Variants in NUBPL observed in about 807,000 individuals in gnomAD.
The protein encoded by NUBPL is NUBP iron-sulfur cluster assembly factor, mitochondrial.
NUBPL carries 31 observed loss-of-function variants against 45.7 expected under a neutral mutation model. The ratio of observed to expected loss-of-function variants is 0.68; its 90% CI spans 0.51 to 0.92. The LOEUF (loss-of-function observed/expected upper bound fraction) is 0.92. Among genes scored for constraint, NUBPL ranks in the 40% least tolerant of loss-of-function variants. NUBPL has a pLI of 0.00. For synonymous variants in NUBPL, 144 were observed against 140.9 expected (o/e 1.02, Z -0.15); for missense variants, 401 against 398.7 (o/e 1.01, Z -0.05).
intron 8 of NUBPL, among the ~76,000 whole-genome samples, chr14:31,838,279 CAAAAAA>C (rs748313330): frequency 2.2e-4 from 13 of 60,268 alleles, no homozygotes; most frequent in African/African-American, 6.1e-4. Context: ...TAATATCCAG[CAAAAAA>C]AAAAAAAAAA....
chr14:31,817,353 A>G (rs949773479), intron 7 of NUBPL, among the ~76,000 whole-genome samples: 1 of 152,118 alleles, frequency 6.6e-6, no homozygotes, highest in African/African-American at 2.4e-5. Flanking sequence ...CCTTGAGAAG[A>G]GCAACCCCAA....
intron 4 of NUBPL, among the ~76,000 whole-genome samples, chr14:31,611,647 A>G (rs2034761354): frequency 6.6e-6 from 1 of 152,224 alleles, no homozygotes; most frequent in Non-Finnish European, 1.5e-5. Context: ...AACTGGAGGG[A>G]TCACATTACC....
At chr14:31,737,332 A>G (rs538354788) in intron 6 of NUBPL, among the ~76,000 whole-genome samples, 1 of 152,234 alleles carries the variant, frequency 6.6e-6, no homozygotes, top group African/African-American at 2.4e-5. Context: ...ATAAGTGTCA[A>G]GGTTAATTAT....
At chr14:31,802,667 A>G (rs572460089) in intron 7 of NUBPL, among the ~76,000 whole-genome samples, 1 of 152,256 alleles carries the variant, frequency 6.6e-6, no homozygotes, top group South Asian at 2.1e-4. Context: ...CTACAGAGCA[A>G]TGAGCCAAAT....
intron 4 of NUBPL, among the ~76,000 whole-genome samples, chr14:31,623,439 C>T (rs1348247572): frequency 6.6e-6 from 1 of 152,058 alleles, no homozygotes; most frequent in Non-Finnish European, 1.5e-5. Context: ...TTGGGTGGGG[C>T]TGGGGGAATG....
intron 6 of NUBPL, among the ~76,000 whole-genome samples, chr14:31,724,468 G>A (rs201880701): frequency 0.016 from 2,383 of 152,006 alleles, 151 homozygotes; most frequent in East Asian, 0.15. Context: ...CCTAAACCTA[G>A]CATCAGTATT....
chr14:31,612,640 A>G (rs994434811), intron 4 of NUBPL, among the ~76,000 whole-genome samples: 1 of 152,010 alleles, frequency 6.6e-6, no homozygotes, highest in Non-Finnish European at 1.5e-5. Flanking sequence ...CAGCCTGGCA[A>G]CAGAGCAAGA....
At chr14:31,570,213 ATGTC>A (rs1281985662) in intron 3 of NUBPL, among the ~76,000 whole-genome samples, 5 of 152,214 alleles carry the variant, frequency 3.3e-5, no homozygotes, top group African/African-American at 1.2e-4. Flanking sequence ...ATATAAGTGT[ATGTC>A]TGTGTTTATG....
At chr14:31,771,189 G>A (rs2138763022) in intron 6 of NUBPL, among the ~76,000 whole-genome samples, 1 of 152,160 alleles carries the variant, frequency 6.6e-6, no homozygotes, top group African/African-American at 2.4e-5. Flanking sequence ...ACAAAGTCAG[G>A]AAATTTACAC....
chr14:31,793,335 C>G (rs1209034699), intron 7 of NUBPL, among the ~76,000 whole-genome samples: 4 of 152,116 alleles, frequency 2.6e-5, no homozygotes, highest in Non-Finnish European at 4.4e-5. Flanking sequence ...TACTCAAATC[C>G]TGTGTAATCT....
chr14:31,859,188 A>G lies in NUBPL; in HGVS notation c.*8A>G, dbSNP rs531163679. ...CCATCACCTTCAGAATGATTCCCCA[A>G]GTGTCCTGGAAATTTGCCTGGTACT... On this transcript the variant is annotated 3_prime_UTR_variant, in exon 11 of 11. Transcript: ENST00000281081. 3.7e-6 allele frequency: 6 copies of G among 1,613,082 alleles called. No homozygotes were observed. Among genetic ancestry groups the G allele is most frequent in the Non-Finnish European group, 5.1e-6 (6 of 1,179,176 alleles).
intron 9 of NUBPL, among the ~76,000 whole-genome samples, chr14:31,846,817 G>A (rs553089330): frequency 3.9e-5 from 6 of 152,128 alleles, no homozygotes; most frequent in South Asian, 2.1e-4. Context: ...TTATCCAGGC[G>A]TGGTGGCGGG....
chr14:31,834,078 A>G (rs2138990575), intron 8 of NUBPL, among the ~76,000 whole-genome samples: 1 of 152,010 alleles, frequency 6.6e-6, no homozygotes, highest in East Asian at 1.9e-4. Context: ...ACTCTTACAA[A>G]TATTTATTTT....
intron 7 of NUBPL, among the ~76,000 whole-genome samples, chr14:31,806,723 T>C (rs1241298786): frequency 6.6e-6 from 1 of 152,140 alleles, no homozygotes; most frequent in Non-Finnish European, 1.5e-5. Flanking sequence ...CTGCACCCAT[T>C]AACTCGTCAT....
chr14:31,775,251 C>T (rs2039078586), intron 6 of NUBPL, among the ~76,000 whole-genome samples: 1 of 152,070 alleles, frequency 6.6e-6, no homozygotes, highest in African/African-American at 2.4e-5. Flanking sequence ...AACCCTGTCT[C>T]TACTAAGAAT....
intron 7 of NUBPL, among the ~76,000 whole-genome samples, chr14:31,795,077 T>G (rs2039457795): frequency 2.7e-5 from 4 of 149,582 alleles, no homozygotes; most frequent in Non-Finnish European, 5.9e-5. Context: ...CTCTGTTCTG[T>G]TCCATTGATC....
intron 7 of NUBPL, among the ~76,000 whole-genome samples, chr14:31,798,104 G>A (rs180826085): frequency 3.3e-5 from 5 of 149,318 alleles, no homozygotes; most frequent in East Asian, 1.9e-4. Context: ...CGAGAGATCC[G>A]CTGTTAGTCT....
chr14:31,630,067 A>G (rs949532243), intron 4 of NUBPL, among the ~76,000 whole-genome samples: 1 of 152,216 alleles, frequency 6.6e-6, no homozygotes, highest in Non-Finnish European at 1.5e-5. Context: ...GCCTTTCTCT[A>G]TTATTACAAA....
At position 31,565,978 on chromosome 14, in the gene NUBPL, A is replaced by G. The variant is rs187882357; in HGVS notation, c.291+930A>G. Among the ~76,000 whole-genome samples the G allele has an allele frequency of 6.6e-5, 10 of 152,172 alleles. No homozygotes were observed. In the East Asian group the frequency reaches 1.4e-3, roughly 21 times the overall value. On this transcript the variant is annotated intron_variant, in intron 3 of 10. Transcript: ENST00000281081. ...AAAAATAACATTCAACTTATTTGCA[A>G]CTCCATAAATTATCAGCTACTAAAT...
Sources: gnomAD v4.1 joint callset for allele counts (sites outside exome capture counted in the v4.1 genomes callset) on GRCh38, gnomAD v4.1.1 for gene constraint, MANE v1.5 for transcripts, NCBI Gene and HGNC (gene_info 2026-07-23, HGNC 2026-07-21) for gene names.